Variants in WWOX observed in about 807,000 individuals in gnomAD.
The protein encoded by WWOX is WW domain containing oxidoreductase.
In WWOX, 69 loss-of-function variants were observed where a neutral mutation model predicts 46.2. The ratio of observed to expected loss-of-function variants is 1.49; its 90% CI spans 1.23 to 1.82. The LOEUF (loss-of-function observed/expected upper bound fraction) is 1.82. WWOX is among the 40% of genes most tolerant of loss of function. The pLI is 0.00. For missense variants in WWOX, 919 were observed against 542.6 expected, an observed-to-expected ratio of 1.69 and a Z score of -6.89; for synonymous variants, 359 against 202.6, an observed-to-expected ratio of 1.77 and a Z score of -6.56.
At chr16:79,076,775 T>C (rs1334074071) in intron 8 of WWOX, among the ~76,000 whole-genome samples, 1 of 152,234 alleles carries the variant, frequency 6.6e-6, no homozygotes, top group Non-Finnish European at 1.5e-5. Context: ...ACCTGCAGAA[T>C]GGGAATAAGA....
intron 8 of WWOX, among the ~76,000 whole-genome samples, chr16:78,750,697 AT>A (rs2049455801): frequency 6.6e-6 from 1 of 151,916 alleles, no homozygotes; most frequent in Admixed American, 6.6e-5. Context: ...CTTCATGCCC[AT>A]GTGTACGCAG....
At chr16:78,114,628 A>C (rs1432440276) in intron 3 of WWOX, among the ~76,000 whole-genome samples, 1 of 151,798 alleles carries the variant, frequency 6.6e-6, no homozygotes, top group African/African-American at 2.4e-5. Flanking sequence ...TACTGAAAAG[A>C]GTGGCTGACA....
At chr16:78,172,285 C>T (rs1316799629) in intron 5 of WWOX, among the ~76,000 whole-genome samples, 1 of 152,206 alleles carries the variant, frequency 6.6e-6, no homozygotes, top group Non-Finnish European at 1.5e-5. Flanking sequence ...TTTCCTTCGC[C>T]TTCCGTTCCA....
At chr16:78,736,076 T>C (rs992586015) in intron 8 of WWOX, among the ~76,000 whole-genome samples, 2 of 152,180 alleles carry the variant, frequency 1.3e-5, no homozygotes, top group African/African-American at 4.8e-5. Flanking sequence ...TCGCTTGCTT[T>C]ATCAAGGGAA....
intron 8 of WWOX, among the ~76,000 whole-genome samples, chr16:79,187,299 G>T (rs2051035795): frequency 6.6e-6 from 1 of 152,182 alleles, no homozygotes; most frequent in East Asian, 1.9e-4. Context: ...TTACTAGAAA[G>T]AATATCGTGG....
In WWOX at chr16:78,366,071, G is replaced by C. The variant is rs972163490; in HGVS notation, c.517-20789G>C. 7.9e-5 allele frequency among the ~76,000 whole-genome samples: 12 copies of C among 152,148 alleles called. No individual in the cohort carries two copies. In the East Asian group the frequency reaches 1.5e-3, roughly 20 times the overall value. Reference sequence around the variant, plus strand: ...TCTTTCGGCCCATTGGAAAATGTCTGTTCTTAGCACCCTAAATGCCCAGGT... The same window carrying C: ...TCTTTCGGCCCATTGGAAAATGTCTCTTCTTAGCACCCTAAATGCCCAGGT... On this transcript the variant is annotated intron_variant, in intron 5 of 8. Transcript: ENST00000566780.
chr16:79,144,644 A>G (rs1327778051), intron 8 of WWOX, among the ~76,000 whole-genome samples: 1 of 152,144 alleles, frequency 6.6e-6, no homozygotes, highest in Non-Finnish European at 1.5e-5. Context: ...CCGACTTTTG[A>G]CTTTATAATA....
chr16:78,662,710 T>C (rs559763211), intron 8 of WWOX, among the ~76,000 whole-genome samples: 14 of 152,290 alleles, frequency 9.2e-5, no homozygotes, highest in African/African-American at 2.4e-5. Flanking sequence ...CAGGCTGTAA[T>C]TGAGGGTGGT....
chr16:78,513,334 C>T (rs2085409872), intron 8 of WWOX, among the ~76,000 whole-genome samples: 1 of 152,082 alleles, frequency 6.6e-6, no homozygotes, highest in Non-Finnish European at 1.5e-5. Context: ...GTATGGGCAA[C>T]ATTTGATAAA....
intron 8 of WWOX, among the ~76,000 whole-genome samples, chr16:78,750,690 C>T (rs2049455563): frequency 6.6e-6 from 1 of 152,106 alleles, no homozygotes; most frequent in Admixed American, 6.6e-5. Flanking sequence ...TTCCTGTCTT[C>T]ATGCCCATGT....
chr16:78,361,627 T>G (rs949059351), intron 5 of WWOX, among the ~76,000 whole-genome samples: 13 of 152,272 alleles, frequency 8.5e-5, no homozygotes, highest in African/African-American at 3.1e-4. Flanking sequence ...TTTCTTTTTG[T>G]TGAGACAAAG....
At chr16:78,937,392 T>C (rs1315374852) in intron 8 of WWOX, among the ~76,000 whole-genome samples, 1 of 151,242 alleles carries the variant, frequency 6.6e-6, no homozygotes, top group Non-Finnish European at 1.5e-5. Flanking sequence ...TTTCTATGGT[T>C]ATGTAAATTA....
chr16:78,380,124 G>A (rs1382565572), intron 5 of WWOX, among the ~76,000 whole-genome samples: 4 of 152,168 alleles, frequency 2.6e-5, no homozygotes, highest in Admixed American at 2.6e-4. Context: ...GTGTACTTGG[G>A]CTACCGGGTT....
At chr16:78,471,439 T>G (rs552770616) in intron 8 of WWOX, among the ~76,000 whole-genome samples, 36 of 152,208 alleles carry the variant, frequency 2.4e-4, no homozygotes, top group Non-Finnish European at 3.5e-4. Context: ...GTGCAGTGTT[T>G]CTAGGAAGTT....
At chr16:78,772,341 C>T (rs1019883161) in intron 8 of WWOX, among the ~76,000 whole-genome samples, 10 of 152,194 alleles carry the variant, frequency 6.6e-5, no homozygotes, top group Non-Finnish European at 1.3e-4. Flanking sequence ...TGGCTTCTAG[C>T]CCCGTCCGTG....
At chr16:78,534,819 A>C (rs78557007) in intron 8 of WWOX, among the ~76,000 whole-genome samples, 2,145 of 151,830 alleles carry the variant, frequency 0.014, 23 homozygotes, top group African/African-American at 0.027. Context: ...AAGCGATTCC[A>C]CTGCCCTGAT....
chr16:79,004,371 G>A (rs1230937829), intron 8 of WWOX: 1 of 152,202 alleles, frequency 6.6e-6, no homozygotes, highest in Non-Finnish European at 1.5e-5. Context: ...CTGCCAGGAG[G>A]ACTTGGATAT....
chr16:78,419,119 A>G (rs2082866095), intron 6 of WWOX, among the ~76,000 whole-genome samples: 1 of 152,218 alleles, frequency 6.6e-6, no homozygotes, highest in African/African-American at 2.4e-5. Flanking sequence ...TAAAAGTTTA[A>G]TATGCGTAAG....
At chr16:78,525,902 C>G (rs2043454275) in intron 8 of WWOX, 2 of 149,920 alleles carry the variant, frequency 1.3e-5, no homozygotes, top group Admixed American at 1.3e-4. Context: ...AATTCTTTTT[C>G]TTCTAACGGG....
Sources: gnomAD v4.1 joint callset for allele counts (sites outside exome capture counted in the v4.1 genomes callset) on GRCh38, gnomAD v4.1.1 for gene constraint, MANE v1.5 for transcripts, NCBI Gene and HGNC (gene_info 2026-07-23, HGNC 2026-07-21) for gene names.